Variants in GDF9 observed in about 807,000 individuals in gnomAD.
The protein encoded by GDF9 is growth/differentiation factor 9.
Under a neutral mutation model 33.8 loss-of-function variants are expected in GDF9, and 30 were observed. The observed-to-expected ratio is 0.89, with a 90% confidence interval of 0.66 to 1.20. The LOEUF (loss-of-function observed/expected upper bound fraction) is 1.20. Among genes scored for constraint, GDF9 ranks in the 50% most tolerant of loss-of-function variants. GDF9 has a pLI of 0.00. For synonymous variants in GDF9, 205 were observed against 200.7 expected, an observed-to-expected ratio of 1.02 and a Z score of -0.18; for missense variants, 556 against 543.7, an observed-to-expected ratio of 1.02 and a Z score of -0.22.
rs528997443 is a variant in GDF9, at chr5:132,861,299, T to C, written c.*290A>G. The C allele has an allele frequency of 7.9e-6, 3 of 378,090 alleles. No individual in the cohort carries two copies. Among genetic ancestry groups the C allele is most frequent in the Non-Finnish European group, 9.7e-6 (2 of 206,014 alleles). 23.4% of individuals were successfully genotyped at this position (378,090 alleles called of 1,614,324 possible). ...ATTAAGGTTTTTTCCCTATCAAGAA[T>C]AAGACTCCTATGAAAAGAAAAAAAA... On this transcript the variant is annotated 3_prime_UTR_variant, in exon 2 of 2. Transcript: ENST00000687138.
At chr5:132,863,646 T>C (rs1191658530) in intron 1 of GDF9, among the ~76,000 whole-genome samples, 2 of 152,070 alleles carry the variant, frequency 1.3e-5, no homozygotes, top group African/African-American at 4.8e-5. Flanking sequence ...CACCATGTTA[T>C]AATTTTTTAA....
Position 132,861,855 on chromosome 5 carries a change from A to C in GDF9, c.1099T>G (p.Trp367Gly). Residue 367 changes from tryptophan to glycine, a missense_variant, in exon 2 of 2, where the codon TGG becomes GGG. Transcript: ENST00000687138. ...TGCGGAGCCACAATCCAGTTGTCCCACTTCAGCTGACTAAAGCTAAGTCTA... is the reference window on the plus strand; with the variant it reads ...TGCGGAGCCACAATCCAGTTGTCCCCCTTCAGCTGACTAAAGCTAAGTCTA... ...DFRLSFSQLK[W>G]DNWIVAPHRY... 6.2e-7 allele frequency: 1 copy of C among 1,614,014 alleles called. No homozygotes were observed. The highest frequency in any genetic ancestry group is 8.5e-7 in the Non-Finnish European group (1 of 1,179,866).
At chr5:132,863,171 G>A (rs186261253) in intron 1 of GDF9, among the ~76,000 whole-genome samples, 22 of 152,314 alleles carry the variant, frequency 1.4e-4, no homozygotes, top group Admixed American at 5.9e-4. Context: ...AGAAGCAGCT[G>A]AGCTGATAAG....
intron 1 of GDF9, among the ~76,000 whole-genome samples, chr5:132,863,442 C>CT (rs5871466): frequency 0.45 from 64,476 of 142,136 alleles, 16,016 homozygotes; most frequent in South Asian, 0.61. Flanking sequence ...TAGATATATA[C>CT]TTTTTTTTTT....
Position 132,862,255 on chromosome 5 carries a change from CAT to C in GDF9, c.697_698del (p.Met233ValfsTer22). Reference sequence around the variant, plus strand: ...CTTTCATGCAAGTAAAATTTATAGACATGTGAATACTTCTCTTGTTGGAGGCC... The same window carrying C: ...CTTTCATGCAAGTAAAATTTATAGACGTGAATACTTCTCTTGTTGGAGGCC... ...LVASNKRSIH[M>X]SINFTCMKDQ... On this transcript the variant is annotated frameshift_variant, in exon 2 of 2. Coordinates refer to ENST00000687138, the MANE Select transcript of GDF9 (RefSeq NM_005260.7). LOFTEE classifies it high-confidence loss of function. 6.2e-7 allele frequency: 1 copy of C among 1,613,700 alleles called. No individual in the cohort carries two copies.
At position 132,864,719 on chromosome 5, in the gene GDF9, CA is replaced by C; in HGVS notation, c.-187del. 1.7e-6 allele frequency: 1 copy of C among 600,684 alleles called. No homozygotes were observed. Among genetic ancestry groups the C allele is most frequent in the South Asian group, 2.1e-5 (1 of 48,574 alleles). 37.2% of individuals were successfully genotyped at this position (600,684 alleles called of 1,614,324 possible). On this transcript the variant is annotated 5_prime_UTR_variant, in exon 1 of 2. Coordinates refer to ENST00000687138, the MANE Select transcript of GDF9 (RefSeq NM_005260.7). ...CAGCTCTATATCAAGCAGCTGATAA[CA>C]CCTTATTTAGCCAATTTGTTAATTA... is the stretch of plus-strand genomic sequence containing the variant.
At chr5:132,864,045 C>A in intron 1 of GDF9, 92 bp downstream of exon 1, 1 of 1,312,472 alleles carries the variant, frequency 7.6e-7, no homozygotes, top group Non-Finnish European at 1.1e-6. Flanking sequence ...AAATACAATT[C>A]AAGGAACTAG....
Position 132,861,765 on chromosome 5 carries a change from G to C in GDF9, c.1189C>G (p.Pro397Ala). The C allele has an allele frequency of 4.3e-6, 7 of 1,611,692 alleles. No individual in the cohort carries two copies. The highest frequency in any genetic ancestry group is 5.9e-6 in the Non-Finnish European group (7 of 1,177,714). The change falls in exon 2 of 2, where the codon CCA becomes GCA. Residue 397 changes from proline to alanine, a missense_variant. Coordinates refer to ENST00000687138, the MANE Select transcript of GDF9 (RefSeq NM_005260.7). ...ATGTTCTGTACCATGGTGTGAACTG[G>C]AGAGCCATACCGATGTCCAACTGCC... ...PRAVGHRYGS[P>A]VHTMVQNIIY...
Position 132,861,529 on chromosome 5 carries a change from C to A in GDF9, c.*60G>T. 2 of 1,446,140 alleles carry A rather than the reference C, an allele frequency of 1.4e-6. No homozygotes were observed. The highest frequency in any genetic ancestry group is 1.9e-6 in the Non-Finnish European group (2 of 1,027,410). The allele number at this position is 1,446,140 out of a possible 1,614,324, so 89.6% of individuals were successfully genotyped here. The stretch of plus-strand genomic sequence containing the variant: ...TATATGAAGCTTTCTCTTGAAGGCA[C>A]ACATAGGCACACAGTAGTTACTTTG... On this transcript the variant is annotated 3_prime_UTR_variant, in exon 2 of 2. Coordinates refer to ENST00000687138, the MANE Select transcript of GDF9 (RefSeq NM_005260.7).
In GDF9 at chr5:132,865,627, A is replaced by G. The variant is rs900166307; in HGVS notation, c.-1094T>C. 2 of 152,226 alleles carry G rather than the reference A, an allele frequency of 1.3e-5. No homozygotes were observed. The highest frequency in any genetic ancestry group is 4.8e-5 in the African/African-American group (2 of 41,448). The allele number at this position is 152,226 out of a possible 1,614,324, so 9.4% of individuals were successfully genotyped here. A position where few individuals can be genotyped will look rare whatever the true frequency, so the allele number is the denominator to read the frequency against. ...AGCCAGTTTGTGCAGTACCTACATG[A>G]GAAAACTAAGGTATGTCTGCAAAAT... On this transcript the variant is annotated 5_prime_UTR_variant, in exon 1 of 2. Coordinates refer to ENST00000687138, the MANE Select transcript of GDF9 (RefSeq NM_005260.7).
At position 132,864,713 on chromosome 5, in the gene GDF9, T is replaced by G. The variant is rs1389670691; in HGVS notation, c.-180A>C. The G allele has an allele frequency of 1.6e-6, 1 of 607,910 alleles. No individual in the cohort carries two copies. The highest frequency in any genetic ancestry group is 2.0e-5 in the South Asian group (1 of 49,704). 37.7% of individuals were successfully genotyped at this position (607,910 alleles called of 1,614,324 possible). On this transcript the variant is annotated 5_prime_UTR_variant, in exon 1 of 2. Coordinates refer to ENST00000687138, the MANE Select transcript of GDF9 (RefSeq NM_005260.7). Reference sequence around the variant, plus strand: ...TTTTATCAGCTCTATATCAAGCAGCTGATAACACCTTATTTAGCCAATTTG... The same window carrying G: ...TTTTATCAGCTCTATATCAAGCAGCGGATAACACCTTATTTAGCCAATTTG...
In GDF9 at chr5:132,862,400, G is replaced by A; in HGVS notation, c.554C>T (p.Ser185Phe). The A allele has an allele frequency of 3.1e-6, 5 of 1,613,984 alleles. No homozygotes were observed. The East Asian group carries it at 6.7e-5, about 22-fold the overall frequency. ...VCNLMIKEPK[S>F]SSRTLGRAPY... ...AGCTCTGCCGAGAGTCCTGCTAGAA[G>A]ACTTTGGCTCCTTTATCATTAGATT... Residue 185 changes from serine to phenylalanine, a missense_variant, in exon 2 of 2, where the codon TCT (serine) becomes TTT (phenylalanine). Ser to Phe is a radical substitution (Grantham distance 155). Coordinates refer to ENST00000687138, the MANE Select transcript of GDF9 (RefSeq NM_005260.7).
At position 132,862,171 on chromosome 5, in the gene GDF9, G is replaced by A. The variant is rs375288827; in HGVS notation, c.783C>T (p.Pro261=). 6.2e-7 allele frequency: 1 copy of A among 1,613,334 alleles called. No homozygotes were observed. Among genetic ancestry groups the A allele is most frequent in the Non-Finnish European group, 8.5e-7 (1 of 1,179,260 alleles). ...TGTCATTCAAATATAAGATCAGTGA[G>A]GGGGACACCAGAGTCATGTTAAACA... ...NGLFNMTLVS[P]SLILYLNDTS... The change falls in exon 2 of 2, where the codon CCC becomes CCT. Residue 261 remains proline (P), a synonymous_variant. Coordinates refer to ENST00000687138, the MANE Select transcript of GDF9 (RefSeq NM_005260.7).
In GDF9 at chr5:132,864,699, C is replaced by G. The variant is rs552407421; in HGVS notation, c.-166G>C. The G allele has an allele frequency of 5.0e-4, 320 of 638,838 alleles. No homozygotes were observed. In the Middle Eastern group the frequency reaches 5.0e-3, roughly 10 times the overall value. 39.6% of individuals were successfully genotyped at this position (638,838 alleles called of 1,614,324 possible). A position where few individuals can be genotyped will look rare whatever the true frequency, so the allele number is the denominator to read the frequency against. On this transcript the variant is annotated 5_prime_UTR_variant, in exon 1 of 2. Transcript: ENST00000687138. ...TGCCTAGCTGAAGATTTTATCAGCTCTATATCAAGCAGCTGATAACACCTT... is the reference window on the plus strand; with the variant it reads ...TGCCTAGCTGAAGATTTTATCAGCTGTATATCAAGCAGCTGATAACACCTT...
In GDF9 at chr5:132,861,904, T is replaced by G. The variant is rs1759265405; in HGVS notation, c.1050A>C (p.Gln350His). 1 of 1,613,828 alleles carries G rather than the reference T, an allele frequency of 6.2e-7. No homozygotes were observed. Among genetic ancestry groups the G allele is most frequent in the African/African-American group, 1.3e-5 (1 of 74,940 alleles). Residue 350 changes from glutamine (Q) to histidine (H), a missense_variant, in exon 2 of 2, where the codon CAA (glutamine) becomes CAC (histidine). Coordinates refer to ENST00000687138, the MANE Select transcript of GDF9 (RefSeq NM_005260.7). ...TAAAGTCATGGAGCTCACACTCATT[T>G]TGGGGAAGAAGAAATTGTCTGAAGT... ...SEYFRQFLLP[Q>H]NECELHDFRL...
rs916187216 is a variant in GDF9, at chr5:132,865,472, G to C, written c.-939C>G. The C allele has an allele frequency of 6.6e-6, 1 of 152,118 alleles. No homozygotes were observed. The allele number at this position is 152,118 out of a possible 1,614,324, so 9.4% of individuals were successfully genotyped here. A position where few individuals can be genotyped will look rare whatever the true frequency, so the allele number is the denominator to read the frequency against. On this transcript the variant is annotated 5_prime_UTR_variant, in exon 1 of 2. Coordinates refer to ENST00000687138, the MANE Select transcript of GDF9 (RefSeq NM_005260.7). ...GTTCTTGCCTTGGAGCTGAGACCAG[G>C]CTAGACATTATGGTTTAAAAAAATG...
chr5:132,863,820 A>G (rs573424296), intron 1 of GDF9, among the ~76,000 whole-genome samples: 4 of 152,344 alleles, frequency 2.6e-5, no homozygotes, highest in African/African-American at 9.6e-5. Context: ...AGAGATGTTT[A>G]AGGTCCATTT....
In GDF9 at chr5:132,861,480, C is replaced by T. The variant is rs976348072; in HGVS notation, c.*109G>A. 11 of 927,708 alleles carry T rather than the reference C, an allele frequency of 1.2e-5. No individual in the cohort carries two copies. The highest frequency in any genetic ancestry group is 1.8e-5 in the Non-Finnish European group (10 of 559,158). 57.5% of individuals were successfully genotyped at this position (927,708 alleles called of 1,614,324 possible). On this transcript the variant is annotated 3_prime_UTR_variant, in exon 2 of 2. Transcript: ENST00000687138. The stretch of plus-strand genomic sequence containing the variant: ...CCTACACAGGCTCCTCTTTATATAA[C>T]ATATGCTACATTTAGAGACTTAATA...
chr5:132,864,305 G>A lies in GDF9; in HGVS notation c.229C>T (p.Pro77Ser). The A allele has an allele frequency of 1.2e-6, 2 of 1,614,182 alleles. No individual in the cohort carries two copies. The highest frequency in any genetic ancestry group is 1.7e-6 in the Non-Finnish European group (2 of 1,180,030). ...KVLSVGRGGS[P>S]RLQPDSRALH... ...GCTCTGGAGTCTGGCTGCAGCCTAG[G>A]TGACCCACCTCGCCCAACAGATAGA... is the stretch of plus-strand genomic sequence containing the variant. The change falls in exon 1 of 2, where the codon CCT (proline) becomes TCT (serine). Residue 77 changes from proline (P) to serine (S), a missense_variant. Pro to Ser is a moderately conservative substitution (Grantham distance 74). Coordinates refer to ENST00000687138, the MANE Select transcript of GDF9 (RefSeq NM_005260.7).
Sources: gnomAD v4.1 joint callset for allele counts (sites outside exome capture counted in the v4.1 genomes callset) on GRCh38, gnomAD v4.1.1 for gene constraint, MANE v1.5 for transcripts, NCBI Gene and HGNC (gene_info 2026-07-23, HGNC 2026-07-21) for gene names.